Variants in CCDC66 observed in about 807,000 individuals in gnomAD.
The protein encoded by CCDC66 is coiled-coil domain-containing protein 66.
In CCDC66, 133 loss-of-function variants were observed where a neutral mutation model predicts 128.3. That is an observed-to-expected ratio of 1.04 (90% CI 0.90 to 1.20). The LOEUF is 1.20. Among genes scored for constraint, CCDC66 ranks in the 50% most tolerant of loss-of-function variants. The pLI is 0.00. For missense variants in CCDC66, 1,126 were observed against 1,075.5 expected, an observed-to-expected ratio of 1.05 and a Z score of -0.66; for synonymous variants, 387 against 357.0, an observed-to-expected ratio of 1.08 and a Z score of -0.95.
intron 7 of CCDC66, chr3:56,572,609 A>G: frequency 7.8e-6 from 1 of 128,580 alleles, no homozygotes; most frequent in Non-Finnish European, 1.7e-5. Flanking sequence ...CATTTTAGCA[A>G]ATGTATTCTG....
chr3:56,562,990 T>C (rs1222834312), intron 3 of CCDC66, among the ~76,000 whole-genome samples: 3 of 152,124 alleles, frequency 2.0e-5, no homozygotes, highest in Non-Finnish European at 4.4e-5. Flanking sequence ...TGATTTGTTC[T>C]GGCCTTGGGA....
At chr3:56,621,319 A>T (rs939517976) in intron 17 of CCDC66, 22 of 366,134 alleles carry the variant, frequency 6.0e-5, no homozygotes, top group African/African-American at 4.6e-4. Flanking sequence ...TTTCATCCCT[A>T]TTGATTTTTA....
chr3:56,582,164 T>C (rs1577480628), intron 7 of CCDC66, among the ~76,000 whole-genome samples: 1 of 151,944 alleles, frequency 6.6e-6, no homozygotes, highest in East Asian at 2.0e-4. Context: ...AGTCTCAGAC[T>C]GCTGTGCTAG....
intron 4 of CCDC66, chr3:56,565,304 C>T (rs895554874): frequency 5.5e-5 from 10 of 183,330 alleles, no homozygotes; most frequent in Admixed American, 1.2e-4. Flanking sequence ...GATGGGGTCT[C>T]GCTTTGTCAC....
chr3:56,589,372 T>C (rs978554105), intron 7 of CCDC66, among the ~76,000 whole-genome samples: 11 of 152,162 alleles, frequency 7.2e-5, no homozygotes, highest in African/African-American at 2.2e-4. Flanking sequence ...AAGGTAGAAG[T>C]GAAAACCTTT....
At chr3:56,558,328 G>A (rs1420591907) in intron 1 of CCDC66, among the ~76,000 whole-genome samples, 3 of 152,102 alleles carry the variant, frequency 2.0e-5, no homozygotes, top group African/African-American at 7.2e-5. Flanking sequence ...TGATATGCAC[G>A]TATAAAGCAC....
At chr3:56,565,824 G>C (rs1432310789) in intron 4 of CCDC66, among the ~76,000 whole-genome samples, 3 of 148,814 alleles carry the variant, frequency 2.0e-5, no homozygotes, top group Non-Finnish European at 1.5e-5. Context: ...CCGCCACCAC[G>C]CCCGGCTAAT....
Position 56,567,069 on chromosome 3 carries a change from A to G in CCDC66, c.814+16A>G. On this transcript the variant is annotated intron_variant, in intron 6 of 17. Coordinates refer to ENST00000394672, the MANE Select transcript of CCDC66 (RefSeq NM_001141947.3). ...AAAGAGCTAGGTAGGTAACTTTTAT[A>G]CCTTTATTATAGTTTTATTGGCTTA... The G allele has an allele frequency of 1.3e-6, 2 of 1,566,742 alleles. No individual in the cohort carries two copies. The highest frequency in any genetic ancestry group is 1.8e-6 in the Non-Finnish European group (2 of 1,137,434).
At chr3:56,562,031 TTTTTC>T (rs2065169192) in intron 3 of CCDC66, among the ~76,000 whole-genome samples, 2 of 151,998 alleles carry the variant, frequency 1.3e-5, no homozygotes, top group Non-Finnish European at 1.5e-5. Context: ...AATCTGTGCA[TTTTTC>T]TTTTCTTTTT....
At chr3:56,608,718 G>T (rs1367798494) in intron 10 of CCDC66, among the ~76,000 whole-genome samples, 1 of 152,060 alleles carries the variant, frequency 6.6e-6, no homozygotes, top group Non-Finnish European at 1.5e-5. Flanking sequence ...TGCTCTTTCA[G>T]ACTTTTTTGA....
chr3:56,566,675 T>C lies in CCDC66; in HGVS notation c.626T>C (p.Met209Thr), dbSNP rs1472538105. 1.2e-6 allele frequency: 2 copies of C among 1,612,536 alleles called. No homozygotes were observed. The highest frequency in any genetic ancestry group is 2.2e-5 in the East Asian group (1 of 44,820). The change falls in exon 5 of 18, where the codon ATG (methionine) becomes ACG (threonine). Residue 209 changes from methionine to threonine, a missense_variant. Met to Thr is a moderately conservative substitution (Grantham distance 81, BLOSUM62 -1). Transcript: ENST00000394672. ...NIMGLFKKTE[M>T]VSSVPAENKS... ...ATGGGATTATTCAAAAAAACTGAAA[T>C]GGTTTCATCTGTCCCAGCTGAAAAT...
intron 10 of CCDC66, among the ~76,000 whole-genome samples, chr3:56,597,541 T>C (rs1032639740): frequency 1.3e-5 from 2 of 152,030 alleles, no homozygotes; most frequent in African/African-American, 2.4e-5. Context: ...GTATCCTCTT[T>C]CGTTTATTTC....
chr3:56,563,563 A>G (rs920182046), intron 3 of CCDC66, 121 bp from the exon 4 acceptor site: 2 of 690,890 alleles, frequency 2.9e-6, no homozygotes, highest in Non-Finnish European at 4.7e-6. Flanking sequence ...TCTTATGGTT[A>G]TATTACCTAA....
chr3:56,615,986 A>T lies in CCDC66; in HGVS notation c.1776A>T (p.Glu592Asp). 1 of 1,596,418 alleles carries T rather than the reference A, an allele frequency of 6.3e-7. No individual in the cohort carries two copies. Among genetic ancestry groups the T allele is most frequent in the South Asian group, 1.1e-5 (1 of 89,406 alleles). Residue 592 changes from glutamate to aspartate, a missense_variant, in exon 13 of 18, where the codon GAA (glutamate) becomes GAT (aspartate). Coordinates refer to ENST00000394672, the MANE Select transcript of CCDC66 (RefSeq NM_001141947.3). ...NISNSRHDSD[E>D]ISGKMNTYMN... ...CAAATTCAAGACATGATTCTGATGA[A>T]ATCAGTGGTAAAATGAATACATATA...
At chr3:56,576,079 A>G (rs2067319218) in intron 7 of CCDC66, among the ~76,000 whole-genome samples, 1 of 151,410 alleles carries the variant, frequency 6.6e-6, no homozygotes, top group South Asian at 2.1e-4. Flanking sequence ...GATTATTGAT[A>G]TTTTCATAGA....
chr3:56,596,840 C>A (rs1490444036), intron 10 of CCDC66, among the ~76,000 whole-genome samples: 4 of 150,268 alleles, frequency 2.7e-5, no homozygotes, highest in African/African-American at 9.9e-5. Flanking sequence ...CTGCCGCCTC[C>A]ACCTCCCAGG....
intron 7 of CCDC66, among the ~76,000 whole-genome samples, chr3:56,587,798 G>A (rs918884506): frequency 2.0e-5 from 3 of 152,170 alleles, no homozygotes; most frequent in Non-Finnish European, 4.4e-5. Context: ...GAATCCAGGA[G>A]GCAGAGGTTG....
At chr3:56,593,346 G>T in intron 8 of CCDC66, 145 bp from the exon 9 acceptor site, 1 of 902,714 alleles carries the variant, frequency 1.1e-6, no homozygotes, top group Non-Finnish European at 1.6e-6. Context: ...TATGTATAAG[G>T]ACTCTAAACA....
At chr3:56,559,192 C>T (rs966995573) in intron 2 of CCDC66, among the ~76,000 whole-genome samples, 1 of 151,986 alleles carries the variant, frequency 6.6e-6, no homozygotes, top group African/African-American at 2.4e-5. Flanking sequence ...ATGAATAATA[C>T]AAGTAAAATT....
Sources: gnomAD v4.1 joint callset for allele counts (sites outside exome capture counted in the v4.1 genomes callset) on GRCh38, gnomAD v4.1.1 for gene constraint, MANE v1.5 for transcripts, NCBI Gene and HGNC (gene_info 2026-07-23, HGNC 2026-07-21) for gene names.